The following SYT9 variants were observed in gnomAD, a reference collection of about 807,000 sequenced individuals.
The protein encoded by SYT9 is synaptotagmin 9.
In SYT9, 22 loss-of-function variants were observed where a neutral mutation model predicts 48.4. The observed-to-expected ratio is 0.45, with a 90% CI of 0.32 to 0.65. The LOEUF (loss-of-function observed/expected upper bound fraction) is 0.65, where lower values mean the gene tolerates loss of function less well. Among genes scored for constraint, SYT9 ranks in the 30% least tolerant of loss-of-function variants. SYT9 has a pLI of 0.03. For missense variants in SYT9, 577 were observed against 622.0 expected (o/e 0.93, Z 0.77); for synonymous variants, 265 against 245.0 (o/e 1.08, Z -0.76).
intron 1 of SYT9, among the ~76,000 whole-genome samples, chr11:7,264,800 A>G (rs1848146468): frequency 6.6e-6 from 1 of 152,054 alleles, no homozygotes; most frequent in Non-Finnish European, 1.5e-5. Flanking sequence ...CGACATGGAT[A>G]TTGGCTTTGC....
chr11:7,458,822 C>G (rs1848195709), intron 6 of SYT9, among the ~76,000 whole-genome samples: 1 of 152,172 alleles, frequency 6.6e-6, no homozygotes, highest in African/African-American at 2.4e-5. Context: ...GTAACTGGAA[C>G]CCAGTAGAGC....
In SYT9 at chr11:7,411,434, TG is replaced by T. The variant is rs1431377515; in HGVS notation, c.1045-4607del. ...ATTTCTTCTAGGGCCAGTCTAGTGG[TG>T]ATAAATTCCCTCAGCATTTTCTTCT... is the stretch of plus-strand genomic sequence containing the variant. On this transcript the variant is annotated intron_variant, in intron 3 of 6. Transcript: ENST00000318881. 5.4e-4 allele frequency among the ~76,000 whole-genome samples: 83 copies of T among 152,334 alleles called. 3 individuals carry two copies. In the South Asian group the frequency reaches 0.017, roughly 31 times the overall value.
chr11:7,365,605 TAAA>T (rs746522262), intron 3 of SYT9, among the ~76,000 whole-genome samples: 4 of 152,170 alleles, frequency 2.6e-5, no homozygotes, highest in Admixed American at 1.3e-4. Flanking sequence ...TGACAATTTT[TAAA>T]AAAATAAATG....
At chr11:7,272,312 A>G (rs772255243) in intron 1 of SYT9, among the ~76,000 whole-genome samples, 2 of 152,212 alleles carry the variant, frequency 1.3e-5, no homozygotes, top group African/African-American at 2.4e-5. Context: ...AAAAATCGGC[A>G]TAACTGACTT....
At chr11:7,451,360 T>A (rs1848043909) in intron 6 of SYT9, among the ~76,000 whole-genome samples, 1 of 152,256 alleles carries the variant, frequency 6.6e-6, no homozygotes, top group African/African-American at 2.4e-5. Context: ...CTGTTAAGAC[T>A]AAATGTTGTA....
intron 1 of SYT9, among the ~76,000 whole-genome samples, chr11:7,300,861 G>A (rs140899489): frequency 1.5e-3 from 223 of 152,142 alleles, no homozygotes; most frequent in African/African-American, 5.0e-3. Flanking sequence ...GGTGGACTCC[G>A]GGGTCAATCC....
chr11:7,315,700 C>A (rs1849231253), intron 3 of SYT9, among the ~76,000 whole-genome samples: 1 of 152,180 alleles, frequency 6.6e-6, no homozygotes, highest in African/African-American at 2.4e-5. Context: ...GTGGGAACGA[C>A]TCCTAGGACA....
chr11:7,243,943 A>ATTTT (rs10631365), intron 1 of SYT9, among the ~76,000 whole-genome samples: 1 of 148,078 alleles, frequency 6.8e-6, no homozygotes, highest in African/African-American at 2.5e-5. Flanking sequence ...TGCAGAAAGC[A>ATTTT]TTTTTTTTTT....
intron 3 of SYT9, among the ~76,000 whole-genome samples, chr11:7,408,822 T>G (rs1256940135): frequency 6.6e-6 from 1 of 152,080 alleles, no homozygotes; most frequent in Admixed American, 6.5e-5. Context: ...ATTATTTCAT[T>G]TTTTTTAATT....
chr11:7,414,010 A>T (rs1384702518), intron 3 of SYT9, among the ~76,000 whole-genome samples: 2 of 152,320 alleles, frequency 1.3e-5, no homozygotes, highest in Admixed American at 6.5e-5. Context: ...GCAAATAGCC[A>T]TATTGTATAA....
Position 7,252,398 on chromosome 11 carries a change from G to C in SYT9, c.145+67G>C, listed in dbSNP as rs574261619. On this transcript the variant is annotated intron_variant, in intron 1 of 6. Transcript: ENST00000318881. This position sits in a 1 kb window ranked among gnomAD's most constrained non-coding sequence, Gnocchi z 6.3. ...GGGCTGGGACTTGGGGCCGCACCGG[G>C]GCCTGAGGCAGAACAGCGACGCGGA... 587 of 1,350,242 alleles carry C rather than the reference G, an allele frequency of 4.3e-4. No homozygotes were observed. The highest frequency in any genetic ancestry group is 7.2e-4 in the Admixed American group (18 of 25,146). 83.6% of individuals were successfully genotyped at this position (1,350,242 alleles called of 1,614,324 possible).
intron 1 of SYT9, 39 bp from the exon 2 acceptor site, chr11:7,303,000 G>GA: frequency 6.3e-7 from 1 of 1,581,084 alleles, no homozygotes; most frequent in Non-Finnish European, 8.7e-7. Flanking sequence ...GGCTTGAGGG[G>GA]AATGACCACA....
Position 7,313,803 on chromosome 11 carries a change from G to A in SYT9, c.906G>A (p.Lys302=), listed in dbSNP as rs553280503. 2 of 1,614,200 alleles carry A rather than the reference G, an allele frequency of 1.2e-6. No individual in the cohort carries two copies. The highest frequency in any genetic ancestry group is 4.5e-5 in the East Asian group (2 of 44,880). The change falls in exon 3 of 7, where the codon AAG becomes AAA. Residue 302 remains lysine (K), a synonymous_variant. Transcript: ENST00000318881. The part of the protein sequence containing the change: ...PVPYNDLEAR[K]LHFSVYDFDR... ...CCTACAATGACCTTGAAGCACGGAAGCTTCACTTCTCTGTGTACGACTTTG... is the reference window on the plus strand; with the variant it reads ...CCTACAATGACCTTGAAGCACGGAAACTTCACTTCTCTGTGTACGACTTTG...
chr11:7,433,214 A>G (rs981882312), intron 6 of SYT9, among the ~76,000 whole-genome samples: 3 of 152,158 alleles, frequency 2.0e-5, no homozygotes, highest in African/African-American at 7.2e-5. Flanking sequence ...CCTCCCCAGA[A>G]GCCAAGCAGA....
chr11:7,282,235 G>A (rs1292823144), intron 1 of SYT9, among the ~76,000 whole-genome samples: 2 of 152,064 alleles, frequency 1.3e-5, no homozygotes, highest in African/African-American at 4.8e-5. Context: ...ATGAAAATAA[G>A]CAACATTCTT....
chr11:7,268,250 C>T (rs1276822662), intron 1 of SYT9, among the ~76,000 whole-genome samples: 2 of 151,958 alleles, frequency 1.3e-5, no homozygotes, highest in Non-Finnish European at 2.9e-5. Context: ...ACTGTTAATA[C>T]TTTTACCAGA....
At chr11:7,321,163 T>G (rs1367720174) in intron 3 of SYT9, among the ~76,000 whole-genome samples, 3 of 152,206 alleles carry the variant, frequency 2.0e-5, no homozygotes, top group Admixed American at 2.0e-4. Flanking sequence ...TGAATTTCCC[T>G]CTATGCCAAT....
intron 3 of SYT9, among the ~76,000 whole-genome samples, chr11:7,322,802 C>T (rs1849360705): frequency 6.6e-6 from 1 of 152,056 alleles, no homozygotes; most frequent in Non-Finnish European, 1.5e-5. Context: ...ATGTGCCGCT[C>T]CTCCAAATCC....
chr11:7,254,554 C>A (rs527643181), intron 1 of SYT9, among the ~76,000 whole-genome samples: 1 of 152,306 alleles, frequency 6.6e-6, no homozygotes, highest in East Asian at 1.9e-4. Flanking sequence ...CTGCACCACA[C>A]AACGCCGTGT....
Sources: allele counts gnomAD v4.1 joint callset (sites outside exome capture counted in the v4.1 genomes callset), GRCh38; gene constraint gnomAD v4.1.1; non-coding constraint Gnocchi (gnomAD v3.1); transcripts MANE v1.5; gene names NCBI Gene and HGNC (gene_info 2026-07-23, HGNC 2026-07-21).